CTNND2: variants seen among roughly 807,000 people sequenced by gnomAD.
CTNND2 encodes catenin delta-2.
CTNND2 carries 22 observed loss-of-function variants against 144.4 expected under a neutral mutation model. That is an observed-to-expected ratio of 0.15 (90% CI 0.11 to 0.22). The LOEUF (loss-of-function observed/expected upper bound fraction) is 0.22. CTNND2 is among the 10% of genes least tolerant of loss of function. The probability of loss-of-function intolerance (pLI) is 1.00; values close to 1 mark genes in which losing one functional copy is unlikely to be tolerated. For missense variants in CTNND2, 1,353 were observed against 1,618.8 expected (o/e 0.84, Z 2.82); for synonymous variants, 751 against 695.6 (o/e 1.08, Z -1.25).
chr5:11,713,385 C>T (rs1439152577), intron 2 of CTNND2, among the ~76,000 whole-genome samples: 1 of 151,816 alleles, frequency 6.6e-6, no homozygotes, highest in Non-Finnish European at 1.5e-5. Flanking sequence ...TTGAGACCAG[C>T]CTGATCAACA....
chr5:11,594,521 A>C (rs528987248), intron 2 of CTNND2, among the ~76,000 whole-genome samples: 2 of 152,360 alleles, frequency 1.3e-5, no homozygotes, highest in South Asian at 4.1e-4. Flanking sequence ...TATTGTTGCC[A>C]ATTTCCTTTT....
intron 16 of CTNND2, among the ~76,000 whole-genome samples, chr5:11,080,066 C>A: frequency 6.6e-6 from 1 of 151,682 alleles, no homozygotes. Flanking sequence ...TTATTAGTAA[C>A]CAAAAATATA....
At chr5:11,018,861 C>T (rs1741917889) in intron 17 of CTNND2, among the ~76,000 whole-genome samples, 1 of 152,036 alleles carries the variant, frequency 6.6e-6, no homozygotes, top group Non-Finnish European at 1.5e-5. Flanking sequence ...CAGGCGTGTG[C>T]CACCATGCCC....
At chr5:10,982,162 A>G (rs1737364390) in intron 20 of CTNND2, among the ~76,000 whole-genome samples, 1 of 152,234 alleles carries the variant, frequency 6.6e-6, no homozygotes, top group Non-Finnish European at 1.5e-5. Context: ...GAAAACTGGC[A>G]GGTAATAAAG....
chr5:11,362,156 C>G (rs2158099), intron 8 of CTNND2, among the ~76,000 whole-genome samples: 84,175 of 151,878 alleles, frequency 0.55, 23,763 homozygotes, highest in Admixed American at 0.63. Context: ...TCCAGGGTAG[C>G]GGTATGTACA....
At chr5:11,287,301 G>C (rs1180979377) in intron 9 of CTNND2, among the ~76,000 whole-genome samples, 1 of 152,166 alleles carries the variant, frequency 6.6e-6, no homozygotes, top group Non-Finnish European at 1.5e-5. Context: ...GCCCTTAAGA[G>C]AAAAAGACTG....
intron 1 of CTNND2, among the ~76,000 whole-genome samples, chr5:11,833,110 A>G (rs370992367): frequency 1.1e-3 from 171 of 152,348 alleles, no homozygotes; most frequent in African/African-American, 3.9e-3. Flanking sequence ...TAAGCATGCA[A>G]TTAAGAATAT....
intron 2 of CTNND2, among the ~76,000 whole-genome samples, chr5:11,582,139 C>G: frequency 6.6e-6 from 1 of 151,348 alleles, no homozygotes; most frequent in Non-Finnish European, 1.5e-5. Flanking sequence ...CTACAGTATA[C>G]CCTAACTTGG....
At chr5:11,099,586 A>G (rs1297727007) in intron 14 of CTNND2, among the ~76,000 whole-genome samples, 1 of 152,170 alleles carries the variant, frequency 6.6e-6, no homozygotes, top group Non-Finnish European at 1.5e-5. Flanking sequence ...TTCCAACTAA[A>G]ATGCATCATA....
intron 2 of CTNND2, among the ~76,000 whole-genome samples, chr5:11,693,024 T>C (rs1375156983): frequency 1.3e-5 from 2 of 152,228 alleles, no homozygotes; most frequent in Non-Finnish European, 2.9e-5. Flanking sequence ...CTAAAACACA[T>C]CTGGGTTGTC....
intron 3 of CTNND2, among the ~76,000 whole-genome samples, chr5:11,539,543 T>C (rs1426684742): frequency 6.6e-6 from 1 of 152,232 alleles, no homozygotes; most frequent in East Asian, 1.9e-4. Flanking sequence ...AAACCATTAA[T>C]ACGGGTCCAT....
intron 10 of CTNND2, among the ~76,000 whole-genome samples, chr5:11,211,155 C>T (rs546117275): frequency 2.6e-5 from 4 of 151,986 alleles, no homozygotes; most frequent in East Asian, 3.9e-4. Flanking sequence ...ATGGTGTTGC[C>T]GGGGAGTGGG....
intron 1 of CTNND2, among the ~76,000 whole-genome samples, chr5:11,740,936 A>C (rs1171583369): frequency 6.6e-6 from 1 of 152,228 alleles, no homozygotes; most frequent in African/African-American, 2.4e-5. Flanking sequence ...TCAAAAGACA[A>C]CATTTATGCA....
chr5:11,368,569 A>G (rs1328209185), intron 7 of CTNND2, among the ~76,000 whole-genome samples: 1 of 152,204 alleles, frequency 6.6e-6, no homozygotes, highest in Admixed American at 6.5e-5. Flanking sequence ...TCTCATTTCC[A>G]TGTACAACTA....
Position 10,973,766 on chromosome 5 carries a change from C to G in CTNND2, c.3418-53G>C. On this transcript the variant is annotated intron_variant, in intron 21 of 21. Transcript: ENST00000304623. The surrounding 1 kb of genome is among the most constrained non-coding windows in gnomAD (Gnocchi z 5.6). ...GTTACTTGGTTTCCCTTGACTCAGC[C>G]TGCCTCTTGCCCCGGCACCCAACTC... The G allele has an allele frequency of 6.5e-7, 1 of 1,528,950 alleles. No individual in the cohort carries two copies. The highest frequency in any genetic ancestry group is 8.8e-7 in the Non-Finnish European group (1 of 1,140,222). The allele number at this position is 1,528,950 out of a possible 1,614,324, so 94.7% of individuals were successfully genotyped here.
chr5:11,084,625 G>A (rs565603932), intron 15 of CTNND2, among the ~76,000 whole-genome samples: 90 of 152,260 alleles, frequency 5.9e-4, no homozygotes, highest in East Asian at 1.5e-3. Flanking sequence ...GGCAACTTAG[G>A]CAGGCTGATG....
In CTNND2 at chr5:11,117,432, T is replaced by C. The variant is rs201819309; in HGVS notation, c.2277+18A>G. On this transcript the variant is annotated intron_variant, in intron 13 of 21. Transcript: ENST00000304623. ...TCTTTATTCTCAAACATGTTTAATC[T>C]ATGCCAGCACAACCAACCTTGCTAT... The C allele has an allele frequency of 2.0e-4, 317 of 1,590,824 alleles. No individual in the cohort carries two copies. In the Middle Eastern group the frequency reaches 3.0e-3, roughly 15 times the overall value.
At chr5:11,246,128 A>G (rs1418114560) in intron 9 of CTNND2, among the ~76,000 whole-genome samples, 1 of 152,204 alleles carries the variant, frequency 6.6e-6, no homozygotes, top group Non-Finnish European at 1.5e-5. Flanking sequence ...ACAGTGTTGA[A>G]TGGAGCAAAG....
intron 2 of CTNND2, among the ~76,000 whole-genome samples, chr5:11,604,522 G>A (rs1779956026): frequency 6.6e-6 from 1 of 152,180 alleles, no homozygotes; most frequent in Non-Finnish European, 1.5e-5. Context: ...CCAAAGCCTT[G>A]AGCTTCCTCC....
Sources: allele counts gnomAD v4.1 joint callset (sites outside exome capture counted in the v4.1 genomes callset), GRCh38; gene constraint gnomAD v4.1.1; non-coding constraint Gnocchi (gnomAD v3.1); transcripts MANE v1.5; gene names NCBI Gene and HGNC (gene_info 2026-07-23, HGNC 2026-07-21).